RPS16: variants seen among roughly 807,000 people sequenced by gnomAD.
RPS16 encodes the protein small ribosomal subunit protein uS9.
RPS16 carries 2 observed loss-of-function variants against 20.1 expected under a neutral mutation model. The observed-to-expected ratio is 0.10, with a 90% CI of 0.04 to 0.31. The LOEUF (loss-of-function observed/expected upper bound fraction) is 0.31. Ranked by LOEUF, RPS16 falls within the 10% of genes least tolerant of loss-of-function variation. The pLI is 1.00. For missense variants in RPS16, 129 were observed against 198.6 expected (o/e 0.65, Z 2.11); for synonymous variants, 95 against 76.1 (o/e 1.25, Z -1.29).
At position 39,435,870 on chromosome 19, in the gene RPS16, G is replaced by A. The variant is rs760827670; in HGVS notation, c.26C>T (p.Ser9Phe). MPSKGPLQ[S>F]VQVFGRKKTA... ...CACCTTGCGTCCGAAGACCTGCACA[G>A]ACTGCAGCGGGCCCTTGGACGGCAT... The change falls in exon 1 of 5, where the codon TCT becomes TTT. Residue 9 changes from serine to phenylalanine, a missense_variant. Transcript: ENST00000251453. 11 of 1,608,308 alleles carry A rather than the reference G, an allele frequency of 6.8e-6. No homozygotes were observed. The South Asian group carries it at 8.8e-5, about 13-fold the overall frequency.
At position 39,433,434 on chromosome 19, in the gene RPS16, G is replaced by A. The variant is rs371411005; in HGVS notation, c.296-16C>T. 94 of 1,613,956 alleles carry A rather than the reference G, an allele frequency of 5.8e-5. No homozygotes were observed. In the African/African-American group the frequency reaches 1.2e-3, roughly 21 times the overall value. ...TCATCCACATCTGGCAAGAAGAGCA[G>A]GGACGAGGATTTAGATAATCACACA... On this transcript the variant is annotated splice_polypyrimidine_tract_variant and intron_variant, in intron 4 of 4. Coordinates refer to ENST00000251453, the MANE Select transcript of RPS16 (RefSeq NM_001020.6).
intron 2 of RPS16, chr19:39,434,744 A>G (rs2078850198): frequency 6.6e-6 from 1 of 152,192 alleles, no homozygotes; most frequent in African/African-American, 2.4e-5. Flanking sequence ...CCAACTCAGG[A>G]GTTTAAGGCT....
Position 39,433,647 on chromosome 19 carries a change from C to T in RPS16, c.247+18G>A, listed in dbSNP as rs74740366. 2.6e-5 allele frequency: 42 copies of T among 1,614,242 alleles called. No homozygotes were observed. The African/African-American group carries it at 5.1e-4, about 19-fold the overall frequency. On this transcript the variant is annotated intron_variant, in intron 3 of 4. Coordinates refer to ENST00000251453, the MANE Select transcript of RPS16 (RefSeq NM_001020.6). Reference sequence around the variant, plus strand: ...TCCCAGAGCCACCTCCTCCATGCGCCCAGTTCCTGGGACTCACCATAAATC... The same window carrying T: ...TCCCAGAGCCACCTCCTCCATGCGCTCAGTTCCTGGGACTCACCATAAATC...
At chr19:39,434,891 T>C (rs2078851654) in intron 2 of RPS16, 2 of 152,242 alleles carry the variant, frequency 1.3e-5, no homozygotes, top group African/African-American at 4.8e-5. Context: ...TTAAAAGTAG[T>C]AGAGTTCAGA....
rs144170206 is a variant in RPS16 at position 39,435,891 on chromosome 19, G to C, written c.5C>G (p.Pro2Arg). 16 of 1,605,846 alleles carry C rather than the reference G, an allele frequency of 1.0e-5. No homozygotes were observed. The highest frequency in any genetic ancestry group is 3.3e-5 in the Admixed American group (2 of 60,000). M[P>R]SKGPLQSVQV... ...CACAGACTGCAGCGGGCCCTTGGAC[G>C]GCATGGCTCCGAGCGTGGACTAGAC... Residue 2 changes from proline to arginine, a missense_variant, in exon 1 of 5, where the codon CCG (proline) becomes CGG (arginine). Physicochemically the swap from Pro to Arg is moderately radical, Grantham distance 103. Transcript: ENST00000251453.
intron 2 of RPS16, 174 bp downstream of exon 2, chr19:39,435,433 T>TC (rs2078855681): frequency 1.7e-6 from 1 of 592,254 alleles, no homozygotes; most frequent in African/African-American, 1.9e-5. Context: ...TCTCAGCTTT[T>TC]ACATCTTCTG....
intron 2 of RPS16, chr19:39,434,146 T>C (rs1018427191): frequency 4.4e-6 from 1 of 226,838 alleles, no homozygotes; most frequent in Non-Finnish European, 9.0e-6. Context: ...ATCCCTGGAC[T>C]GTTCAGGTGC....
In RPS16 at chr19:39,433,229, CA is replaced by C. The variant is rs1186276491; in HGVS notation, c.*43del. 6.2e-7 allele frequency: 1 copy of C among 1,603,686 alleles called. No individual in the cohort carries two copies. Among genetic ancestry groups the C allele is most frequent in the Non-Finnish European group, 8.5e-7 (1 of 1,174,048 alleles). The stretch of plus-strand genomic sequence containing the variant: ...CAGTTCTTGAAACTTTAAAATCCCT[CA>C]AAAACTGTTTATTATACAAGTGAGT... On this transcript the variant is annotated 3_prime_UTR_variant, in exon 5 of 5. Coordinates refer to ENST00000251453, the MANE Select transcript of RPS16 (RefSeq NM_001020.6).
At chr19:39,435,800 C>T in intron 1 of RPS16, 48 bp downstream of exon 1, 3 of 1,609,358 alleles carry the variant, frequency 1.9e-6, no homozygotes, top group Non-Finnish European at 2.5e-6. Flanking sequence ...CTCTCCCAGA[C>T]CCTGGCCTTC....
intron 2 of RPS16, chr19:39,435,275 G>A (rs926750598): frequency 2.2e-5 from 6 of 273,870 alleles, no homozygotes; most frequent in Admixed American, 4.8e-5. Flanking sequence ...CTCCAGCCTG[G>A]GCGACACAGC....
intron 2 of RPS16, chr19:39,434,051 A>G (rs757875761): frequency 2.9e-5 from 12 of 416,258 alleles, no homozygotes; most frequent in Non-Finnish European, 5.4e-5. Context: ...CCCTACCTCT[A>G]AGACTGGTTC....
In RPS16 at chr19:39,433,695, T is replaced by C; in HGVS notation, c.217A>G (p.Lys73Glu). The C allele has an allele frequency of 1.9e-6, 3 of 1,614,130 alleles. No individual in the cohort carries two copies. Among genetic ancestry groups the C allele is most frequent in the Admixed American group, 1.7e-5 (1 of 60,016 alleles). The change falls in exon 3 of 5, where the codon AAG becomes GAG. Residue 73 changes from lysine (K) to glutamate (E), a missense_variant. By Grantham distance (56) the Lys-to-Glu change is moderately conservative. Coordinates refer to ENST00000251453, the MANE Select transcript of RPS16 (RefSeq NM_001020.6). The part of the protein sequence containing the change: ...FAGVDIRVRV[K>E]GGGHVAQIYA... ...ATCTGGGCCACGTGACCACCACCCTTTACACGGACACGGATGTCTACACCA... is the reference window on the plus strand; with the variant it reads ...ATCTGGGCCACGTGACCACCACCCTCTACACGGACACGGATGTCTACACCA...
chr19:39,433,160 TTC>T lies in RPS16; in HGVS notation c.*111_*112del. On this transcript the variant is annotated 3_prime_UTR_variant, in exon 5 of 5. Transcript: ENST00000251453. The stretch of plus-strand genomic sequence containing the variant: ...CAATAGGTCCAGGATGTTTACTGAT[TTC>T]TGTCTGGTTAAACATCCAATACCAA... 1 of 1,180,858 alleles carries T rather than the reference TTC, an allele frequency of 8.5e-7. No individual in the cohort carries two copies. Among genetic ancestry groups the T allele is most frequent in the Non-Finnish European group, 1.2e-6 (1 of 817,860 alleles). The allele number at this position is 1,180,858 out of a possible 1,614,324, so 73.1% of individuals were successfully genotyped here.
intron 2 of RPS16, 99 bp from the exon 3 acceptor site, chr19:39,433,860 C>T: frequency 9.0e-7 from 1 of 1,109,432 alleles, no homozygotes; most frequent in Non-Finnish European, 1.3e-6. Flanking sequence ...CACCACTGGC[C>T]TTCAAGTACT....
rs753150305 is a variant in RPS16, at chr19:39,435,673, G to A, written c.84C>T (p.Gly28=). The change falls in exon 2 of 5, where the codon GGC becomes GGT. Residue 28 remains glycine, a synonymous_variant. Transcript: ENST00000251453. ...GCCCGTTCACCTTGATGAGACCATT[G>A]CCGCGTTTGCAGTGCGCCACAGCTG... ...TATAVAHCKR[G]NGLIKVNGRP... 8 of 1,613,990 alleles carry A rather than the reference G, an allele frequency of 5.0e-6. No individual in the cohort carries two copies. Among genetic ancestry groups the A allele is most frequent in the Non-Finnish European group, 6.8e-6 (8 of 1,180,042 alleles).
rs1477575795 is a variant in RPS16 at position 39,433,740 on chromosome 19, G to C, written c.172C>G (p.Leu58Val). 3.1e-6 allele frequency: 5 copies of C among 1,614,044 alleles called. No homozygotes were observed. Among genetic ancestry groups the C allele is most frequent in the Non-Finnish European group, 2.5e-6 (3 of 1,180,034 alleles). The stretch of plus-strand genomic sequence containing the variant: ...ACACCAGCAAATCGCTCCTTGCCGA[G>C]AAGCAGAACTGGCTCCAGCAGCTAA... The part of the protein sequence containing the change: ...QYKLLEPVLL[L>V]GKERFAGVDI... The change falls in exon 3 of 5, where the codon CTC becomes GTC. Residue 58 changes from leucine (L) to valine (V), a missense_variant. Physicochemically the swap from Leu to Val is conservative, Grantham distance 32. This residue lies in a region of RPS16 where 117 missense variants were observed against 151.4 expected (regional missense o/e 0.77). Transcript: ENST00000251453.
At chr19:39,433,841 G>T in intron 2 of RPS16, 80 bp from the exon 3 acceptor site, 1 of 1,392,412 alleles carries the variant, frequency 7.2e-7, no homozygotes, top group Non-Finnish European at 9.9e-7. Flanking sequence ...TTGTTTCTGT[G>T]GCTTCTGCCA....
rs2078845879 is a variant in RPS16, at chr19:39,434,015, T to C, written c.151-254A>G. The C allele has an allele frequency of 8.4e-6, 4 of 476,236 alleles. No homozygotes were observed. The South Asian group carries it at 8.5e-5, about 10-fold the overall frequency. 29.5% of individuals were successfully genotyped at this position (476,236 alleles called of 1,614,324 possible). A position where few individuals can be genotyped will look rare whatever the true frequency, so the allele number is the denominator to read the frequency against. On this transcript the variant is annotated intron_variant, in intron 2 of 4. Transcript: ENST00000251453. ...GAACAAGATCTGGGCTCCCTCCTACTTGTGTCCCTCACTGGACCTCAGACA... is the reference window on the plus strand; with the variant it reads ...GAACAAGATCTGGGCTCCCTCCTACCTGTGTCCCTCACTGGACCTCAGACA...
intron 2 of RPS16, 123 bp from the exon 3 acceptor site, chr19:39,433,884 C>G: frequency 1.2e-6 from 1 of 869,120 alleles, no homozygotes; most frequent in Non-Finnish European, 1.8e-6. Context: ...GGATGGGGGT[C>G]AGGGTGTCAC....
Sources: allele counts gnomAD v4.1 joint callset, GRCh38; gene constraint gnomAD v4.1.1; regional missense constraint gnomAD v4.1.1; transcripts MANE v1.5; gene names NCBI Gene and HGNC (gene_info 2026-07-23, HGNC 2026-07-21).